Variants in CLVS1 observed in about 807,000 individuals in gnomAD.
The protein encoded by CLVS1 is clavesin 1.
In CLVS1, 10 loss-of-function variants were observed where a neutral mutation model predicts 33.1. The observed-to-expected ratio is 0.30, with a 90% CI of 0.19 to 0.51. The LOEUF is 0.51. Among genes scored for constraint, CLVS1 ranks in the 20% least tolerant of loss-of-function variants. CLVS1 has a pLI of 0.97. For synonymous variants in CLVS1, 163 were observed against 166.1 expected, an observed-to-expected ratio of 0.98 and a Z score of 0.14; for missense variants, 343 against 433.4, an observed-to-expected ratio of 0.79 and a Z score of 1.85.
chr8:61,007,374 G>A, the CLVS1 span, among the ~76,000 whole-genome samples: 1 of 152,150 alleles, frequency 6.6e-6, no homozygotes, highest in Non-Finnish European at 1.5e-5. Context: ...TAGAATTGTG[G>A]GAGGGTGGAT....
At chr8:61,431,504 C>A (rs1816113958) in intron 3 of CLVS1, among the ~76,000 whole-genome samples, 1 of 152,234 alleles carries the variant, frequency 6.6e-6, no homozygotes, top group African/African-American at 2.4e-5. Context: ...GCATGGCTGA[C>A]TGACCACATA....
At position 61,492,874 on chromosome 8, in the gene CLVS1, A is replaced by G. The variant is rs1258698498; in HGVS notation, c.978-6581A>G. ...ACATTAATTGTTCCCAGTGAGCACAATCATTTTGCCTGCTAGGATGATTCT... is the reference window on the plus strand; with the variant it reads ...ACATTAATTGTTCCCAGTGAGCACAGTCATTTTGCCTGCTAGGATGATTCT... On this transcript the variant is annotated intron_variant, in intron 5 of 5. Transcript: ENST00000325897. Among the ~76,000 whole-genome samples, 10 of 152,340 alleles carry G rather than the reference A, an allele frequency of 6.6e-5. No individual in the cohort carries two copies. The South Asian group carries it at 1.4e-3, about 22-fold the overall frequency.
At chr8:61,350,139 G>T (rs1812390576) in intron 2 of CLVS1, among the ~76,000 whole-genome samples, 1 of 152,072 alleles carries the variant, frequency 6.6e-6, no homozygotes, top group Non-Finnish European at 1.5e-5. Flanking sequence ...GTACATGCTT[G>T]TTAGATGTTT....
intron 2 of CLVS1, among the ~76,000 whole-genome samples, chr8:61,373,750 T>C (rs1813532055): frequency 6.6e-6 from 1 of 152,202 alleles, no homozygotes; most frequent in Non-Finnish European, 1.5e-5. Flanking sequence ...CCTTTTGGTG[T>C]TGGATAGCTA....
intron 2 of CLVS1, among the ~76,000 whole-genome samples, chr8:61,248,402 G>A (rs1324712349): frequency 6.6e-6 from 1 of 152,036 alleles, no homozygotes; most frequent in Non-Finnish European, 1.5e-5. Context: ...TAATGATATT[G>A]ATTCTTCCTA....
intron 2 of CLVS1, among the ~76,000 whole-genome samples, chr8:61,200,481 T>G (rs921911203): frequency 6.6e-6 from 1 of 152,256 alleles, no homozygotes; most frequent in Non-Finnish European, 1.5e-5. Context: ...GGTATCTGTA[T>G]ATGTACTCTG....
intron 3 of CLVS1, among the ~76,000 whole-genome samples, chr8:61,407,528 A>G (rs2129603857): frequency 6.6e-6 from 1 of 152,374 alleles, no homozygotes; most frequent in Admixed American, 6.5e-5. Context: ...AAATTAAAAT[A>G]AAGCAGGTAA....
At chr8:60,984,006 A>T in the CLVS1 span, among the ~76,000 whole-genome samples, 2 of 152,096 alleles carry the variant, frequency 1.3e-5, no homozygotes, top group Admixed American at 6.5e-5. Flanking sequence ...TTCTGGCTTG[A>T]CCTGCATTCC....
the CLVS1 span, among the ~76,000 whole-genome samples, chr8:61,047,616 A>C: frequency 6.6e-6 from 1 of 152,240 alleles, no homozygotes; most frequent in African/African-American, 2.4e-5. Context: ...GCAGCCATAA[A>C]AAATGATGAG....
At chr8:61,072,112 C>T (rs955743785) in intron 1 of CLVS1, among the ~76,000 whole-genome samples, 1 of 152,152 alleles carries the variant, frequency 6.6e-6, no homozygotes, top group African/African-American at 2.4e-5. Context: ...GTGATGGATG[C>T]TTTTCTCCAT....
chr8:61,082,383 G>A (rs1026128622), intron 1 of CLVS1, among the ~76,000 whole-genome samples: 1 of 152,016 alleles, frequency 6.6e-6, no homozygotes, highest in Non-Finnish European at 1.5e-5. Context: ...ATATTTGAGG[G>A]AATAATGACT....
intron 1 of CLVS1, 72 bp from the exon 2 acceptor site, chr8:61,299,605 C>T: frequency 1.9e-6 from 1 of 534,022 alleles, no homozygotes. Flanking sequence ...TCTATCTAAG[C>T]TCCAATTAAT....
At chr8:61,492,266 T>C (rs1804113988) in intron 5 of CLVS1, among the ~76,000 whole-genome samples, 1 of 152,254 alleles carries the variant, frequency 6.6e-6, no homozygotes, top group Non-Finnish European at 1.5e-5. Flanking sequence ...TAATGTCTTC[T>C]TTAACCTAAT....
intron 2 of CLVS1, among the ~76,000 whole-genome samples, chr8:61,228,195 A>G (rs930142973): frequency 6.6e-6 from 1 of 152,176 alleles, no homozygotes; most frequent in Non-Finnish European, 1.5e-5. Flanking sequence ...TTTTTAATTG[A>G]CAAGTAAAAA....
chr8:61,293,156 A>G (rs1810057836), intron 1 of CLVS1, among the ~76,000 whole-genome samples: 1 of 152,184 alleles, frequency 6.6e-6, no homozygotes, highest in Non-Finnish European at 1.5e-5. Context: ...GGACTAAGCT[A>G]AAGGTGGTGA....
At position 61,499,962 on chromosome 8, in the gene CLVS1, A is replaced by AGAC. The variant is rs1007607555; in HGVS notation, c.*421_*423dup. On this transcript the variant is annotated 3_prime_UTR_variant, in exon 6 of 6. Coordinates refer to ENST00000325897, the MANE Select transcript of CLVS1 (RefSeq NM_173519.3). ...TAAATGTATCAGAGTTAAACTGTAC[A>AGAC]GACACCACTGTCAAGTTTCATGTAG... The AGAC allele has an allele frequency of 1.9e-5, 3 of 161,834 alleles. No individual in the cohort carries two copies. The highest frequency in any genetic ancestry group is 2.7e-5 in the Non-Finnish European group (2 of 72,878). The allele number at this position is 161,834 out of a possible 1,614,324, so 10.0% of individuals were successfully genotyped here. A position where few individuals can be genotyped will look rare whatever the true frequency, so the allele number is the denominator to read the frequency against.
At chr8:61,103,898 G>T (rs1055706567) in intron 1 of CLVS1, among the ~76,000 whole-genome samples, 1 of 152,202 alleles carries the variant, frequency 6.6e-6, no homozygotes, top group African/African-American at 2.4e-5. Flanking sequence ...TATGAGTAAA[G>T]AATAGATTCT....
intron 3 of CLVS1, among the ~76,000 whole-genome samples, chr8:61,444,455 CAA>C (rs1387295735): frequency 6.6e-6 from 1 of 152,158 alleles, no homozygotes; most frequent in Admixed American, 6.5e-5. Flanking sequence ...TGAATTTTGC[CAA>C]AGTCTTTTTA....
At chr8:61,339,881 GAAGGAGGGAGGGAGAA>G (rs1438534568) in intron 2 of CLVS1, among the ~76,000 whole-genome samples, 4 of 150,552 alleles carry the variant, frequency 2.7e-5, no homozygotes, top group Non-Finnish European at 5.9e-5. Flanking sequence ...TAGAGAAAGA[GAAGGAGGGAGGGAGAA>G]AGGGAGGGAG....
Sources: gnomAD v4.1 joint callset for allele counts (sites outside exome capture counted in the v4.1 genomes callset) on GRCh38, gnomAD v4.1.1 for gene constraint, MANE v1.5 for transcripts, NCBI Gene and HGNC (gene_info 2026-07-23, HGNC 2026-07-21) for gene names.